The following TNKS1BP1 variants were observed in gnomAD, a reference collection of about 807,000 sequenced individuals.
TNKS1BP1 encodes CCR4-NOT transcription complex subunit 12.
A neutral mutation model predicts 141.1 loss-of-function variants in TNKS1BP1; 48 were observed. The observed-to-expected ratio is 0.34, with a 90% CI of 0.27 to 0.43. The LOEUF (loss-of-function observed/expected upper bound fraction) is 0.43, where lower values mean the gene tolerates loss of function less well. Among genes scored for constraint, TNKS1BP1 ranks in the 20% least tolerant of loss-of-function variants. TNKS1BP1 has a pLI of 1.00. For synonymous variants in TNKS1BP1, 875 were observed against 898.2 expected (o/e 0.97, Z 0.46); for missense variants, 2,149 against 2,226.0 (o/e 0.97, Z 0.70).
chr11:57,322,798 C>T (rs1855908488), intron 1 of TNKS1BP1, among the ~76,000 whole-genome samples: 1 of 152,166 alleles, frequency 6.6e-6, no homozygotes, highest in Non-Finnish European at 1.5e-5. Flanking sequence ...GCTCCACCTT[C>T]CACGACAGTC....
At chr11:57,300,842 A>G (rs774484809) in intron 10 of TNKS1BP1, 42 bp downstream of exon 10, 6 of 1,600,280 alleles carry the variant, frequency 3.7e-6, no homozygotes, top group Non-Finnish European at 5.1e-6. Context: ...CATCAGGGTA[A>G]TACAGTGAGG....
intron 4 of TNKS1BP1, among the ~76,000 whole-genome samples, chr11:57,314,149 G>A (rs1855762394): frequency 2.0e-5 from 3 of 152,172 alleles, no homozygotes; most frequent in Admixed American, 2.0e-4. Flanking sequence ...TTCGTCTCAG[G>A]TGGTTGGAAC....
At chr11:57,313,960 C>T in intron 4 of TNKS1BP1, 71 bp from the exon 5 acceptor site, 4 of 1,381,536 alleles carry the variant, frequency 2.9e-6, no homozygotes, top group Non-Finnish European at 2.8e-6. Context: ...CCTCCGACCC[C>T]ACACAGACCC....
rs757861909 is a variant in TNKS1BP1, at chr11:57,309,146, C to T, written c.3565G>A (p.Val1189Met). The stretch of plus-strand genomic sequence containing the variant: ...CCACCTGACCAGCCCATCTGTCCCA[C>T]GGCACTCTCCCTGGCCTCGCTCGAG... ...GGSSEARESA[V>M]GQMGWSGGLS... Residue 1189 changes from valine (V) to methionine (M), a missense_variant, in exon 6 of 12, where the codon GTG (valine) becomes ATG (methionine). Coordinates refer to ENST00000358252, the MANE Select transcript of TNKS1BP1 (RefSeq NM_033396.3). The surrounding 1 kb of genome is among the most constrained non-coding windows in gnomAD (Gnocchi z 4.3). The T allele has an allele frequency of 2.1e-5, 34 of 1,614,068 alleles. No homozygotes were observed. Among genetic ancestry groups the T allele is most frequent in the African/African-American group, 1.5e-4 (11 of 74,932 alleles).
At position 57,308,524 on chromosome 11, in the gene TNKS1BP1, G is replaced by A; in HGVS notation, c.4187C>T (p.Ala1396Val). 6 of 1,614,114 alleles carry A rather than the reference G, an allele frequency of 3.7e-6. No individual in the cohort carries two copies. Among genetic ancestry groups the A allele is most frequent in the Non-Finnish European group, 5.1e-6 (6 of 1,180,006 alleles). The change falls in exon 6 of 12, where the codon GCC becomes GTC. Residue 1396 changes from alanine (A) to valine (V), a missense_variant. By Grantham distance (64) the Ala-to-Val change is moderately conservative. Transcript: ENST00000358252. ...PGLEARDPLE[A>V]RELGVGETSG... is the part of the protein sequence containing the mutation. ...TGTCTCACCAACCCCCAGCTCCCTG[G>A]CCTCCAAGGGGTCTCTGGCCTCCAG...
chr11:57,300,866 A>G lies in TNKS1BP1; in HGVS notation c.5129+18T>C, dbSNP rs778354693. On this transcript the variant is annotated intron_variant, in intron 10 of 11. Transcript: ENST00000358252. ...AATACAGTGAGGTCAGCGGATGCCCAGAGCTTAGGTCACCTACCCTGAGGA... is the reference window on the plus strand; with the variant it reads ...AATACAGTGAGGTCAGCGGATGCCCGGAGCTTAGGTCACCTACCCTGAGGA... The G allele has an allele frequency of 2.5e-6, 4 of 1,609,240 alleles. No individual in the cohort carries two copies. Among genetic ancestry groups the G allele is most frequent in the Non-Finnish European group, 3.4e-6 (4 of 1,176,620 alleles).
intron 2 of TNKS1BP1, among the ~76,000 whole-genome samples, chr11:57,321,283 A>AC (rs1016022371): frequency 1.3e-5 from 2 of 152,106 alleles, no homozygotes; most frequent in African/African-American, 4.8e-5. Flanking sequence ...CTTACTATTG[A>AC]CCCAAGTCAA....
chr11:57,324,753 T>C, intron 1 of TNKS1BP1, 87 bp downstream of exon 1: 2 of 980,674 alleles, frequency 2.0e-6, no homozygotes, highest in Non-Finnish European at 2.4e-6. Context: ...AGGTGTCGGC[T>C]GGAAAGCACC....
At chr11:57,306,369 T>C (rs1565039153) in intron 6 of TNKS1BP1, among the ~76,000 whole-genome samples, 1 of 152,250 alleles carries the variant, frequency 6.6e-6, no homozygotes, top group East Asian at 1.9e-4. Flanking sequence ...TCTTGGACAT[T>C]AGCCAAATTA....
rs770754926 is a variant in TNKS1BP1 at position 57,321,900 on chromosome 11, C to A, written c.-15G>T. The A allele has an allele frequency of 3.7e-6, 6 of 1,613,796 alleles. No homozygotes were observed. In the Admixed American group the frequency reaches 1.0e-4, roughly 27 times the overall value. Reference sequence around the variant, plus strand: ...GACACTTTCATCACATGCGGCAGACCCTCCTTGAGAGCGGGGAGGCAGAGA... The same window carrying A: ...GACACTTTCATCACATGCGGCAGACACTCCTTGAGAGCGGGGAGGCAGAGA... On this transcript the variant is annotated 5_prime_UTR_variant, in exon 2 of 12. Coordinates refer to ENST00000358252, the MANE Select transcript of TNKS1BP1 (RefSeq NM_033396.3).
chr11:57,302,703 C>T lies in TNKS1BP1; in HGVS notation c.4439G>A (p.Gly1480Asp), dbSNP rs777965629. Residue 1480 changes from glycine to aspartate, a missense_variant, in exon 7 of 12, where the codon GGC becomes GAC. Gly to Asp is a moderately conservative substitution (Grantham distance 94, BLOSUM62 -1). Coordinates refer to ENST00000358252, the MANE Select transcript of TNKS1BP1 (RefSeq NM_033396.3). This position sits in a 1 kb window ranked among gnomAD's most constrained non-coding sequence, Gnocchi z 5.5. ...RRESAASGLG[G>D]LLEEEGAGAG... Reference sequence around the variant, plus strand: ...CCCGGCTCCTTCCTCCTCCAACAGGCCCCCAAGGCCCGAGGCCGCTGACTC... The same window carrying T: ...CCCGGCTCCTTCCTCCTCCAACAGGTCCCCAAGGCCCGAGGCCGCTGACTC... 1.1e-5 allele frequency: 18 copies of T among 1,603,422 alleles called. No individual in the cohort carries two copies. The highest frequency in any genetic ancestry group is 2.7e-5 in the African/African-American group (2 of 74,796).
At chr11:57,319,387 A>G (rs1301622219) in intron 3 of TNKS1BP1, among the ~76,000 whole-genome samples, 1 of 152,148 alleles carries the variant, frequency 6.6e-6, no homozygotes, top group Non-Finnish European at 1.5e-5. Flanking sequence ...CAGTTTCCTC[A>G]TCTCTACAAT....
At chr11:57,311,277 C>T (rs1855704829) in intron 5 of TNKS1BP1, 1 of 986,048 alleles carries the variant, frequency 1.0e-6, no homozygotes, top group Non-Finnish European at 1.2e-6. Flanking sequence ...GGCTTCGGAG[C>T]CGGCCAGCCT....
Position 57,308,766 on chromosome 11 carries a change from C to T in TNKS1BP1, c.3945G>A (p.Leu1315=). ...AGGTCACCTCCAAATCCCTCAGGCC[C>T]AGATTGTTACCCCAGTCCATCTGGC... is the stretch of plus-strand genomic sequence containing the variant. The part of the protein sequence containing the change: ...GVGQMDWGNN[L]GLRDLEVTCD... The change falls in exon 6 of 12, where the codon CTG becomes CTA. Residue 1315 remains leucine (L), a synonymous_variant. Transcript: ENST00000358252. The T allele has an allele frequency of 6.2e-7, 1 of 1,614,052 alleles. No individual in the cohort carries two copies. Among genetic ancestry groups the T allele is most frequent in the Non-Finnish European group, 8.5e-7 (1 of 1,180,012 alleles).
chr11:57,314,234 T>G (rs900246303), intron 4 of TNKS1BP1, among the ~76,000 whole-genome samples: 2 of 152,128 alleles, frequency 1.3e-5, no homozygotes, highest in Non-Finnish European at 2.9e-5. Flanking sequence ...AACACCTGCT[T>G]TATAAAGGGA....
chr11:57,317,848 A>G lies in TNKS1BP1; in HGVS notation c.768T>C (p.Ala256=), dbSNP rs2134370564. Residue 256 remains alanine (A), a synonymous_variant, in exon 4 of 12, where the codon GCT becomes GCC. Coordinates refer to ENST00000358252, the MANE Select transcript of TNKS1BP1 (RefSeq NM_033396.3). The part of the protein sequence containing the change: ...PSDLAFNGDL[A]KAASSELPAD... ...CAGGTAGCTCCGAGCTGGCTGCCTTAGCCAGGTCCCCGTTGAAGGCCAGGT... is the reference window on the plus strand; with the variant it reads ...CAGGTAGCTCCGAGCTGGCTGCCTTGGCCAGGTCCCCGTTGAAGGCCAGGT... 1 of 1,614,096 alleles carries G rather than the reference A, an allele frequency of 6.2e-7. No individual in the cohort carries two copies. The highest frequency in any genetic ancestry group is 1.3e-5 in the African/African-American group (1 of 75,064).
intron 2 of TNKS1BP1, 51 bp from the exon 3 acceptor site, chr11:57,320,763 A>T (rs369575873): frequency 3.9e-5 from 58 of 1,497,680 alleles, no homozygotes; most frequent in Non-Finnish European, 4.8e-5. Context: ...ACCAGGAAGC[A>T]GAACTTCTTT....
rs1285522305 is a variant in TNKS1BP1 at position 57,299,776 on chromosome 11, T to TA, written c.*317dup. On this transcript the variant is annotated 3_prime_UTR_variant, in exon 12 of 12. Coordinates refer to ENST00000358252, the MANE Select transcript of TNKS1BP1 (RefSeq NM_033396.3). ...CCATTATAAAAATCAAAGGCTTTTA[T>TA]AAAAAATGCTATAAATTGGTATCAA... is the stretch of plus-strand genomic sequence containing the variant. 6.5e-6 allele frequency: 1 copy of TA among 154,600 alleles called. No individual in the cohort carries two copies. Among genetic ancestry groups the TA allele is most frequent in the African/African-American group, 2.4e-5 (1 of 41,426 alleles). 9.6% of individuals were successfully genotyped at this position (154,600 alleles called of 1,614,324 possible).
chr11:57,313,516 A>G lies in TNKS1BP1; in HGVS notation c.1172T>C (p.Leu391Pro). 1 of 1,572,364 alleles carries G rather than the reference A, an allele frequency of 6.4e-7. No homozygotes were observed. Among genetic ancestry groups the G allele is most frequent in the South Asian group, 1.2e-5 (1 of 84,026 alleles). Residue 391 changes from leucine to proline, a missense_variant, in exon 5 of 12, where the codon CTG becomes CCG. Coordinates refer to ENST00000358252, the MANE Select transcript of TNKS1BP1 (RefSeq NM_033396.3). ...DQPPATSPRP[L>P]IEVGELLDLT... ...ATCCAGCAACTCACCCACCTCGATCAGGGGCCGGGGTGAGGTGGCAGGGGG... is the reference window on the plus strand; with the variant it reads ...ATCCAGCAACTCACCCACCTCGATCGGGGGCCGGGGTGAGGTGGCAGGGGG...
Sources: allele counts gnomAD v4.1 joint callset (sites outside exome capture counted in the v4.1 genomes callset), GRCh38; gene constraint gnomAD v4.1.1; non-coding constraint Gnocchi (gnomAD v3.1); transcripts MANE v1.5; gene names NCBI Gene and HGNC (gene_info 2026-07-23, HGNC 2026-07-21).